SYMPK: variants seen among roughly 807,000 people sequenced by gnomAD.
SYMPK encodes the protein symplekin scaffold protein, also known as symplekin.
In SYMPK, 49 loss-of-function variants were observed where a neutral mutation model predicts 136.4. The ratio of observed to expected loss-of-function variants is 0.36; its 90% CI spans 0.29 to 0.46. SYMPK has a LOEUF of 0.46. SYMPK is among the 20% of genes least tolerant of loss of function. SYMPK has a pLI of 1.00. For missense variants in SYMPK, 1,365 were observed against 1,690.0 expected, an observed-to-expected ratio of 0.81 and a Z score of 3.37; for synonymous variants, 766 against 713.0, an observed-to-expected ratio of 1.07 and a Z score of -1.19.
chr19:45,817,537 T>C (rs554563478), intron 23 of SYMPK, among the ~76,000 whole-genome samples: 1 of 150,416 alleles, frequency 6.6e-6, no homozygotes, highest in African/African-American at 2.4e-5. Flanking sequence ...GCTCAAGCAG[T>C]CCTCCTGTCT....
intron 5 of SYMPK, among the ~76,000 whole-genome samples, chr19:45,851,871 C>G (rs924228964): frequency 6.6e-6 from 1 of 152,032 alleles, no homozygotes; most frequent in Non-Finnish European, 1.5e-5. Flanking sequence ...AGCGAGACTC[C>G]GTCTCAAAAC....
intron 1 of SYMPK, chr19:45,854,883 T>A (rs1005990073): frequency 5.3e-6 from 1 of 190,020 alleles, no homozygotes; most frequent in African/African-American, 2.4e-5. Flanking sequence ...AACTTTCTTT[T>A]TTTTTTTTTT....
intron 11 of SYMPK, among the ~76,000 whole-genome samples, chr19:45,831,798 G>A (rs1971181988): frequency 6.6e-6 from 1 of 152,136 alleles, no homozygotes; most frequent in Non-Finnish European, 1.5e-5. Flanking sequence ...ATTGCTGGGG[G>A]GAGCAGCAAA....
intron 22 of SYMPK, chr19:45,819,889 G>C (rs1201353688): frequency 6.6e-6 from 1 of 152,626 alleles, no homozygotes; most frequent in Non-Finnish European, 1.5e-5. Context: ...GCCTGAGCAG[G>C]AGAAAAACTT....
intron 1 of SYMPK, among the ~76,000 whole-genome samples, chr19:45,858,272 A>T (rs1025265962): frequency 1.3e-5 from 2 of 151,842 alleles, no homozygotes; most frequent in South Asian, 4.2e-4. Flanking sequence ...GGCCTACAAG[A>T]TTTTATGGCA....
At chr19:45,861,188 A>AAAAAT (rs540904318) in intron 1 of SYMPK, among the ~76,000 whole-genome samples, 16 of 152,172 alleles carry the variant, frequency 1.1e-4, no homozygotes, top group African/African-American at 3.9e-4. Flanking sequence ...CTCTGCCTCA[A>AAAAAT]AAAATAAAAT....
rs1251877161 is a variant in SYMPK, at chr19:45,861,037, C to T, written c.-13+2021G>A. ...TGTTTTTTACCCCCAGGTCTGTTTA[C>T]GTAAGCCAAGGATCCTGGCCACCAG... On this transcript the variant is annotated intron_variant, in intron 1 of 26. Coordinates refer to ENST00000245934, the MANE Select transcript of SYMPK (RefSeq NM_004819.3). Among the ~76,000 whole-genome samples the T allele has an allele frequency of 2.6e-5, 4 of 152,182 alleles. 1 individual carries two copies. The highest frequency in any genetic ancestry group is 1.3e-4 in the Admixed American group (2 of 15,264).
intron 12 of SYMPK, 63 bp downstream of exon 12, chr19:45,831,321 G>C (rs1971168636): frequency 7.3e-7 from 1 of 1,363,140 alleles, no homozygotes; most frequent in African/African-American, 1.5e-5. Flanking sequence ...ACGCACACGA[G>C]CTGAGAACCA....
chr19:45,847,642 C>T, intron 7 of SYMPK, 110 bp downstream of exon 7: 2 of 1,358,624 alleles, frequency 1.5e-6, no homozygotes, highest in Admixed American at 2.1e-5. Flanking sequence ...ACTGCACACA[C>T]TGTTCCAGAA....
At chr19:45,815,763 G>A in intron 26 of SYMPK, 66 bp from the exon 27 acceptor site, 2 of 1,592,650 alleles carry the variant, frequency 1.3e-6, no homozygotes, top group South Asian at 1.1e-5. Context: ...TCCCCTTCAG[G>A]CCCTGCCCCC....
At chr19:45,819,602 A>G (rs1970842579) in intron 22 of SYMPK, 1 of 152,204 alleles carries the variant, frequency 6.6e-6, no homozygotes, top group Non-Finnish European at 1.5e-5. Flanking sequence ...CACCCCTCTC[A>G]GTTGTTACTG....
At chr19:45,850,387 G>A (rs1424303204) in intron 5 of SYMPK, among the ~76,000 whole-genome samples, 2 of 152,208 alleles carry the variant, frequency 1.3e-5, no homozygotes, top group Admixed American at 6.5e-5. Flanking sequence ...GAATAATGAA[G>A]CTGCTCAAGC....
At chr19:45,846,275 CAG>C (rs1211704856) in intron 7 of SYMPK, among the ~76,000 whole-genome samples, 2 of 152,188 alleles carry the variant, frequency 1.3e-5, no homozygotes, top group African/African-American at 4.8e-5. Flanking sequence ...TGACCATCAA[CAG>C]AGCATTGCTT....
intron 1 of SYMPK, among the ~76,000 whole-genome samples, chr19:45,858,452 T>A (rs1048658738): frequency 6.6e-6 from 1 of 152,102 alleles, no homozygotes; most frequent in Non-Finnish European, 1.5e-5. Context: ...CACAACTCCT[T>A]CCCTCTTCAT....
At chr19:45,842,543 C>A in intron 8 of SYMPK, 54 bp from the exon 9 acceptor site, 4 of 1,588,790 alleles carry the variant, frequency 2.5e-6, no homozygotes, top group South Asian at 2.2e-5. Context: ...TGGCATGCTG[C>A]CAGTCTTAAT....
chr19:45,817,417 C>CTCTTTTTTTTTT (rs1568605965), intron 23 of SYMPK, among the ~76,000 whole-genome samples: 12 of 108,476 alleles, frequency 1.1e-4, no homozygotes, highest in Admixed American at 1.8e-4. Context: ...TTTTTGTTCT[C>CTCTTTTTTTTTT]TTTTTTTTTT....
chr19:45,817,417 C>CTCTTTTTTTTTTTTTTTTTTTTTTTT (rs1568605965), intron 23 of SYMPK, among the ~76,000 whole-genome samples: 4 of 108,480 alleles, frequency 3.7e-5, no homozygotes, highest in South Asian at 3.1e-4. Flanking sequence ...TTTTTGTTCT[C>CTCTTTTTTTTTTTTTTTTTTTTTTTT]TTTTTTTTTT....
At position 45,816,782 on chromosome 19, in the gene SYMPK, T is replaced by TGGGGGGAAGGGGTACCTGGTGG; in HGVS notation, c.3252_3258+15dup. 1 of 1,511,712 alleles carries TGGGGGGAAGGGGTACCTGGTGG rather than the reference T, an allele frequency of 6.6e-7. No individual in the cohort carries two copies. The highest frequency in any genetic ancestry group is 8.9e-7 in the Non-Finnish European group (1 of 1,128,380). 93.6% of individuals were successfully genotyped at this position (1,511,712 alleles called of 1,614,324 possible). A position where few individuals can be genotyped will look rare whatever the true frequency, so the allele number is the denominator to read the frequency against. On this transcript the variant is annotated intron_variant, in intron 24 of 26. Coordinates refer to ENST00000245934, the MANE Select transcript of SYMPK (RefSeq NM_004819.3). ...CTGGGTGGGGGGAAAGGGTACCTGGTGGGGGGAAGGGGTACCTGGTGGGGG... is the reference window on the plus strand; with the variant it reads ...CTGGGTGGGGGGAAAGGGTACCTGGTGGGGGGAAGGGGTACCTGGTGGGGGGGGAAGGGGTACCTGGTGGGGG...
In SYMPK at chr19:45,863,112, C is replaced by A. The variant is rs958015968; in HGVS notation, c.-67G>T. On this transcript the variant is annotated 5_prime_UTR_variant, in exon 1 of 27. Transcript: ENST00000245934. ...CCCCTCAGCAGTGCCTCTTCCTACA[C>A]TCCGCCGCCGCCGCCGCCGCCATCT... 9 of 403,152 alleles carry A rather than the reference C, an allele frequency of 2.2e-5. No individual in the cohort carries two copies. Among genetic ancestry groups the A allele is most frequent in the Non-Finnish European group, 3.9e-5 (9 of 228,982 alleles). 25.0% of individuals were successfully genotyped at this position (403,152 alleles called of 1,614,324 possible).
Sources: gnomAD v4.1 joint callset for allele counts (sites outside exome capture counted in the v4.1 genomes callset) on GRCh38, gnomAD v4.1.1 for gene constraint, MANE v1.5 for transcripts, NCBI Gene and HGNC (gene_info 2026-07-23, HGNC 2026-07-21) for gene names.